The following BLOC1S5 variants were observed in gnomAD, a reference collection of about 807,000 sequenced individuals.
BLOC1S5 encodes the protein biogenesis of lysosome-related organelles complex 1 subunit 5.
In BLOC1S5, 27 loss-of-function variants were observed where a neutral mutation model predicts 24.3. The ratio of observed to expected loss-of-function variants is 1.11; its 90% confidence interval spans 0.82 to 1.53. The LOEUF (loss-of-function observed/expected upper bound fraction) is 1.53. Ranked by LOEUF, BLOC1S5 falls within the 40% of genes most tolerant of loss-of-function variation. The pLI is 0.00. For missense variants in BLOC1S5, 239 were observed against 229.4 expected (o/e 1.04, Z -0.27); for synonymous variants, 84 against 74.5 (o/e 1.13, Z -0.66).
chr6:8,029,394 A>C (rs565119956), intron 3 of BLOC1S5, among the ~76,000 whole-genome samples: 1 of 152,322 alleles, frequency 6.6e-6, no homozygotes. Context: ...TCCCTGACTC[A>C]TGGTTTCTAT....
intron 3 of BLOC1S5, among the ~76,000 whole-genome samples, chr6:8,028,310 T>C: frequency 6.6e-6 from 1 of 152,186 alleles, no homozygotes; most frequent in Middle Eastern, 3.4e-3. Flanking sequence ...AAAGATAATA[T>C]TTAAGTATTG....
intron 1 of BLOC1S5, among the ~76,000 whole-genome samples, chr6:8,063,669 C>T (rs527815769): frequency 2.2e-3 from 337 of 152,278 alleles, no homozygotes; most frequent in Non-Finnish European, 3.9e-3. Context: ...CAAAGACTTT[C>T]ACGCAGCAAA....
At chr6:8,061,735 A>G (rs1400926993) in intron 2 of BLOC1S5, among the ~76,000 whole-genome samples, 1 of 152,232 alleles carries the variant, frequency 6.6e-6, no homozygotes, top group African/African-American at 2.4e-5. Context: ...GTGCAACACC[A>G]TTTACCATCC....
At position 8,015,716 on chromosome 6, in the gene BLOC1S5, G is replaced by A. The variant is rs770085710; in HGVS notation, c.497C>T (p.Ala166Val). Residue 166 changes from alanine (A) to valine (V), a missense_variant, in exon 5 of 5, where the codon GCC becomes GTC. Coordinates refer to ENST00000397457, the MANE Select transcript of BLOC1S5 (RefSeq NM_201280.3). ...ATATTGTTCTTTAAGCCTTTCCATG[G>A]CTTTTCTGTGCTCTTCATCCACTTC... ...RAEVDEEHRKAMERLKEQYAE... is the reference protein window; with the variant it reads ...RAEVDEEHRKVMERLKEQYAE... 6.2e-7 allele frequency: 1 copy of A among 1,614,066 alleles called. No individual in the cohort carries two copies. The highest frequency in any genetic ancestry group is 1.1e-5 in the South Asian group (1 of 91,068).
At position 8,022,414 on chromosome 6, in the gene BLOC1S5, C is replaced by T. The variant is rs186429958; in HGVS notation, c.384+3953G>A. 3.3e-5 allele frequency among the ~76,000 whole-genome samples: 5 copies of T among 151,804 alleles called. No homozygotes were observed. The East Asian group carries it at 9.7e-4, about 29-fold the overall frequency. On this transcript the variant is annotated intron_variant, in intron 4 of 4. Transcript: ENST00000397457. ...AGGTGTAAAAGGTCTTTTAGAGCAT[C>T]TGCCAGTAATATGCATGCCATTAAT... is the stretch of plus-strand genomic sequence containing the variant.
In BLOC1S5 at chr6:8,015,435, A is replaced by G; in HGVS notation, c.*214T>C. 2.1e-6 allele frequency: 1 copy of G among 476,796 alleles called. No homozygotes were observed. Among genetic ancestry groups the G allele is most frequent in the Non-Finnish European group, 3.7e-6 (1 of 272,800 alleles). The allele number at this position is 476,796 out of a possible 1,614,324, so 29.5% of individuals were successfully genotyped here. On this transcript the variant is annotated 3_prime_UTR_variant, in exon 5 of 5. Coordinates refer to ENST00000397457, the MANE Select transcript of BLOC1S5 (RefSeq NM_201280.3). ...TTCCTTCCTACTCCTCTTCATTCAA[A>G]TAATCATATATAGGCACTTAAAGCT...
chr6:8,020,218 G>A (rs992678047), intron 4 of BLOC1S5, among the ~76,000 whole-genome samples: 5 of 152,142 alleles, frequency 3.3e-5, no homozygotes, highest in East Asian at 3.8e-4. Flanking sequence ...AAGACCCTTC[G>A]AGACATGGAG....
chr6:8,047,162 A>T (rs78008499), intron 2 of BLOC1S5, among the ~76,000 whole-genome samples: 2,397 of 11,170 alleles, frequency 0.21, 69 homozygotes, highest in African/African-American at 0.43. Context: ...TCTCTCTCTC[A>T]CACACACACA....
chr6:8,061,016 T>C (rs941973121), intron 2 of BLOC1S5, among the ~76,000 whole-genome samples: 3 of 152,024 alleles, frequency 2.0e-5, no homozygotes, highest in African/African-American at 7.2e-5. Flanking sequence ...TAAGTAGAGA[T>C]GGAGTTTTGC....
intron 2 of BLOC1S5, among the ~76,000 whole-genome samples, chr6:8,057,145 G>T (rs1406072478): frequency 6.6e-6 from 1 of 152,110 alleles, no homozygotes; most frequent in Non-Finnish European, 1.5e-5. Flanking sequence ...CTTGAATCTG[G>T]GAGGGGGAGG....
intron 2 of BLOC1S5, among the ~76,000 whole-genome samples, chr6:8,060,407 G>C (rs886134052): frequency 2.6e-5 from 4 of 152,204 alleles, no homozygotes; most frequent in African/African-American, 9.7e-5. Flanking sequence ...GAGCTGGAGT[G>C]CGCTTTCCAT....
At chr6:8,064,414 T>A (rs747364594), upstream of BLOC1S5, 5 of 1,558,026 alleles carry the variant, frequency 3.2e-6, no homozygotes, top group East Asian at 2.3e-5. Flanking sequence ...ACGCTGCGCC[T>A]GCGCAAACCC....
chr6:8,022,542 T>C (rs1021918928), intron 4 of BLOC1S5, among the ~76,000 whole-genome samples: 1 of 151,626 alleles, frequency 6.6e-6, no homozygotes, highest in African/African-American at 2.4e-5. Flanking sequence ...AATATGTACC[T>C]ATATGTTACT....
intron 4 of BLOC1S5, among the ~76,000 whole-genome samples, chr6:8,021,322 G>A (rs1484434507): frequency 6.6e-6 from 1 of 152,204 alleles, no homozygotes; most frequent in African/African-American, 2.4e-5. Flanking sequence ...CTGTGGGCCG[G>A]GTGCGGTGGC....
At chr6:8,062,401 C>A in intron 2 of BLOC1S5, 133 bp downstream of exon 2, 1 of 612,100 alleles carries the variant, frequency 1.6e-6, no homozygotes, top group Non-Finnish European at 2.8e-6. Context: ...TTTACGTCTT[C>A]ATCATTTTTA....
At chr6:8,055,260 C>G (rs1355548450) in intron 2 of BLOC1S5, among the ~76,000 whole-genome samples, 3 of 152,102 alleles carry the variant, frequency 2.0e-5, no homozygotes, top group African/African-American at 7.2e-5. Context: ...GTGGTGAAAC[C>G]CTGTCTCTAT....
chr6:8,049,114 T>C (rs1764016291), intron 2 of BLOC1S5, among the ~76,000 whole-genome samples: 1 of 150,966 alleles, frequency 6.6e-6, no homozygotes, highest in African/African-American at 2.4e-5. Flanking sequence ...TTCATGCCTG[T>C]AATCCCAGCA....
chr6:8,039,562 AC>A lies in BLOC1S5; in HGVS notation c.325+1576del, dbSNP rs1763611190. Among the ~76,000 whole-genome samples the A allele has an allele frequency of 3.9e-5, 6 of 152,282 alleles. No individual in the cohort carries two copies. In the South Asian group the frequency reaches 1.2e-3, roughly 32 times the overall value. On this transcript the variant is annotated intron_variant, in intron 3 of 4. Coordinates refer to ENST00000397457, the MANE Select transcript of BLOC1S5 (RefSeq NM_201280.3). ...AAATTACCATAAGTACCCCCAAAAT[AC>A]GTACATTATACAATAATACAAAAGT... is the stretch of plus-strand genomic sequence containing the variant.
chr6:8,064,070 A>G (rs2743987), intron 1 of BLOC1S5, among the ~76,000 whole-genome samples, 195 bp downstream of exon 1: 60,692 of 151,988 alleles, frequency 0.4, 13,128 homozygotes, highest in East Asian at 0.8. Flanking sequence ...GGAAACACGA[A>G]GAGTTGGGCT....
Sources: allele counts gnomAD v4.1 joint callset (sites outside exome capture counted in the v4.1 genomes callset), GRCh38; gene constraint gnomAD v4.1.1; transcripts MANE v1.5; gene names NCBI Gene and HGNC (gene_info 2026-07-23, HGNC 2026-07-21).